The following CSNK2A2IP variants were observed in gnomAD, a reference collection of about 807,000 sequenced individuals.
CSNK2A2IP encodes casein kinase 2 subunit alpha' interacting protein, also known as casein kinase II subunit alpha'-interacting protein.
chr3:88,339,603 T>G, the CSNK2A2IP span, among the ~76,000 whole-genome samples: 1 of 152,064 alleles, frequency 6.6e-6, no homozygotes, highest in Non-Finnish European at 1.5e-5. Flanking sequence ...AAAGTCCATT[T>G]CCGATGCATT....
the CSNK2A2IP span, among the ~76,000 whole-genome samples, chr3:88,428,833 A>G: frequency 6.6e-6 from 1 of 151,888 alleles, no homozygotes; most frequent in African/African-American, 2.4e-5. Context: ...ACTTGTTTCC[A>G]TTTCTTACTT....
chr3:88,437,228 T>G, the CSNK2A2IP span, among the ~76,000 whole-genome samples: 2 of 152,202 alleles, frequency 1.3e-5, no homozygotes, highest in Non-Finnish European at 2.9e-5. Context: ...ATAATACTAA[T>G]GATGCTAGTG....
the CSNK2A2IP span, among the ~76,000 whole-genome samples, chr3:88,343,880 G>T: frequency 6.6e-6 from 1 of 151,788 alleles, no homozygotes; most frequent in African/African-American, 2.4e-5. Context: ...ATGCCACATA[G>T]CTGCTTTTAT....
chr3:88,407,163 C>T, the CSNK2A2IP span, among the ~76,000 whole-genome samples: 1 of 152,150 alleles, frequency 6.6e-6, no homozygotes. Context: ...CCTCCTCAGA[C>T]TCTTTGCGGA....
the CSNK2A2IP span, among the ~76,000 whole-genome samples, chr3:88,361,491 A>G: frequency 5.3e-5 from 8 of 152,232 alleles, no homozygotes; most frequent in South Asian, 1.5e-3. Context: ...TAAACATAGG[A>G]TTGAAACCAT....
chr3:88,365,895 G>A, the CSNK2A2IP span, among the ~76,000 whole-genome samples: 1 of 151,932 alleles, frequency 6.6e-6, no homozygotes, highest in African/African-American at 2.4e-5. Context: ...TTTTAACTCA[G>A]GGAAACATAT....
chr3:88,371,335 G>A, the CSNK2A2IP span, among the ~76,000 whole-genome samples: 4 of 151,652 alleles, frequency 2.6e-5, no homozygotes, highest in Non-Finnish European at 5.9e-5. Context: ...AGAGTAAACA[G>A]GGAATTTAAT....
At chr3:88,352,911 T>G in the CSNK2A2IP span, among the ~76,000 whole-genome samples, 1 of 152,264 alleles carries the variant, frequency 6.6e-6, no homozygotes, top group African/African-American at 2.4e-5. Flanking sequence ...TATCCTAAAC[T>G]TCCTTCAGAA....
the CSNK2A2IP span, among the ~76,000 whole-genome samples, chr3:88,450,365 G>A: frequency 6.6e-6 from 1 of 151,930 alleles, no homozygotes; most frequent in Non-Finnish European, 1.5e-5. Flanking sequence ...GCACAGTTTC[G>A]TTACTTATAA....
chr3:88,402,630 C>G, the CSNK2A2IP span, among the ~76,000 whole-genome samples: 1 of 147,104 alleles, frequency 6.8e-6, no homozygotes, highest in Non-Finnish European at 1.5e-5. Flanking sequence ...AATATGTTAC[C>G]TGTTATTTCA....
the CSNK2A2IP span, among the ~76,000 whole-genome samples, chr3:88,384,898 T>C: frequency 6.6e-6 from 1 of 152,160 alleles, no homozygotes; most frequent in Non-Finnish European, 1.5e-5. Context: ...GAAAATAGTT[T>C]GTCAATTTCT....
the CSNK2A2IP span, among the ~76,000 whole-genome samples, chr3:88,372,879 C>T: frequency 8.9e-3 from 1,351 of 151,366 alleles, 17 homozygotes; most frequent in African/African-American, 0.031. Flanking sequence ...AGGATTATTA[C>T]TAGAGACAGA....
the CSNK2A2IP span, among the ~76,000 whole-genome samples, chr3:88,461,956 C>T: frequency 6.6e-6 from 1 of 151,706 alleles, no homozygotes; most frequent in African/African-American, 2.4e-5. Context: ...CCAGGCTGGA[C>T]TCCATTGATT....
the CSNK2A2IP span, among the ~76,000 whole-genome samples, chr3:88,457,985 A>T: frequency 4.2e-4 from 63 of 151,790 alleles, 1 homozygote; most frequent in South Asian, 8.5e-3. Flanking sequence ...GAGCTTTGGA[A>T]ATTTGTGTCT....
the CSNK2A2IP span, among the ~76,000 whole-genome samples, chr3:88,462,428 A>G: frequency 4.0e-3 from 613 of 152,314 alleles, 4 homozygotes; most frequent in Middle Eastern, 0.02. Flanking sequence ...TATGCAAAGC[A>G]AGGAAAATAT....
At chr3:88,421,573 C>A in the CSNK2A2IP span, among the ~76,000 whole-genome samples, 2 of 152,006 alleles carry the variant, frequency 1.3e-5, no homozygotes, top group Admixed American at 1.3e-4. Flanking sequence ...TGCCACCACG[C>A]CTGGCTAACT....
At chr3:88,380,873 C>T in the CSNK2A2IP span, among the ~76,000 whole-genome samples, 1 of 152,150 alleles carries the variant, frequency 6.6e-6, no homozygotes, top group Non-Finnish European at 1.5e-5. Flanking sequence ...ATTTCTTTCA[C>T]ATGTTGATCT....
chr3:88,415,450 G>C, the CSNK2A2IP span, among the ~76,000 whole-genome samples: 1 of 151,950 alleles, frequency 6.6e-6, no homozygotes, highest in African/African-American at 2.4e-5. Context: ...AATCAGATAG[G>C]CTTAGGTAGA....
chr3:88,402,872 C>A, the CSNK2A2IP span, among the ~76,000 whole-genome samples: 1 of 151,960 alleles, frequency 6.6e-6, no homozygotes, highest in African/African-American at 2.4e-5. Context: ...TTTTTGATGT[C>A]TTCTCACAAT....
Sources: allele counts gnomAD v4.1 joint callset (sites outside exome capture counted in the v4.1 genomes callset), GRCh38; gene constraint gnomAD v4.1.1; transcripts MANE v1.5; gene names NCBI Gene and HGNC (gene_info 2026-07-23, HGNC 2026-07-21).